Variants in FRYL observed in about 807,000 individuals in gnomAD.
FRYL encodes the protein protein furry homolog-like.
FRYL carries 150 observed loss-of-function variants against 351.2 expected under a neutral mutation model. The observed-to-expected ratio is 0.43, with a 90% CI of 0.37 to 0.49. The LOEUF is 0.49. Ranked by LOEUF, FRYL falls within the 20% of genes least tolerant of loss-of-function variation. The pLI is 0.00. For missense variants in FRYL, 3,036 were observed against 3,619.3 expected (o/e 0.84, Z 4.13); for synonymous variants, 1,153 against 1,257.1 (o/e 0.92, Z 1.75).
chr4:48,528,161 T>C lies in FRYL; in HGVS notation c.7065+14A>G, dbSNP rs1487896246. ...CTGTTCTATGAATGTTCCATTTTGATATTCTTTATGTACCTGTGATAACTG... is the reference window on the plus strand; with the variant it reads ...CTGTTCTATGAATGTTCCATTTTGACATTCTTTATGTACCTGTGATAACTG... On this transcript the variant is annotated intron_variant, in intron 51 of 63. Transcript: ENST00000358350. The C allele has an allele frequency of 1.2e-6, 2 of 1,608,216 alleles. No homozygotes were observed. Among genetic ancestry groups the C allele is most frequent in the Non-Finnish European group, 1.7e-6 (2 of 1,176,344 alleles).
intron 1 of FRYL, among the ~76,000 whole-genome samples, chr4:48,729,779 G>A (rs1398571313): frequency 2.6e-5 from 4 of 152,118 alleles, no homozygotes; most frequent in Non-Finnish European, 5.9e-5. Flanking sequence ...CCACAAAGAT[G>A]GAGAGAAGCC....
chr4:48,519,096 G>C (rs1161165531), intron 55 of FRYL, among the ~76,000 whole-genome samples: 2 of 152,180 alleles, frequency 1.3e-5, no homozygotes, highest in Non-Finnish European at 2.9e-5. Context: ...ATAAAAATTT[G>C]AATGTCTTTC....
chr4:48,581,742 G>A (rs1347467887), intron 20 of FRYL, 137 bp from the exon 21 acceptor site: 1 of 651,660 alleles, frequency 1.5e-6, no homozygotes, highest in Non-Finnish European at 2.6e-6. Flanking sequence ...TAAATCGCAT[G>A]TATTTTATAA....
At chr4:48,521,277 C>A in intron 54 of FRYL, 62 bp from the exon 55 acceptor site, 1 of 1,239,570 alleles carries the variant, frequency 8.1e-7, no homozygotes, top group South Asian at 1.5e-5. Flanking sequence ...AGGAAACATT[C>A]TCTATCATAA....
intron 1 of FRYL, among the ~76,000 whole-genome samples, chr4:48,715,408 A>G (rs1411080648): frequency 6.6e-6 from 1 of 152,210 alleles, no homozygotes; most frequent in African/African-American, 2.4e-5. Context: ...TCAAGGTGAC[A>G]AGCAAATTCA....
chr4:48,717,684 G>C (rs142876373), intron 1 of FRYL, among the ~76,000 whole-genome samples: 1 of 151,348 alleles, frequency 6.6e-6, no homozygotes, highest in Non-Finnish European at 1.5e-5. Context: ...AGAAGTGCAG[G>C]AGCATGCCAC....
chr4:48,587,031 T>G (rs1167800625), intron 18 of FRYL, among the ~76,000 whole-genome samples: 1 of 151,692 alleles, frequency 6.6e-6, no homozygotes, highest in East Asian at 1.9e-4. Flanking sequence ...TTATTAATAT[T>G]TAAGATTAAA....
intron 3 of FRYL, among the ~76,000 whole-genome samples, chr4:48,644,270 T>G (rs1242050073): frequency 6.6e-6 from 1 of 152,136 alleles, no homozygotes; most frequent in East Asian, 1.9e-4. Flanking sequence ...GACTGTTTTG[T>G]CTAGGTTTAT....
At chr4:48,587,593 G>C (rs1296170401) in intron 18 of FRYL, among the ~76,000 whole-genome samples, 1 of 151,820 alleles carries the variant, frequency 6.6e-6, no homozygotes, top group Admixed American at 6.6e-5. Flanking sequence ...GCCCAGACTG[G>C]AGTGCAATGG....
At chr4:48,547,036 A>G (rs1190773518) in intron 41 of FRYL, among the ~76,000 whole-genome samples, 1 of 152,146 alleles carries the variant, frequency 6.6e-6, no homozygotes, top group Non-Finnish European at 1.5e-5. Flanking sequence ...ATCACTTGTT[A>G]TTAGCCTGAT....
intron 7 of FRYL, among the ~76,000 whole-genome samples, chr4:48,615,251 C>T (rs1749185118): frequency 6.6e-6 from 1 of 152,194 alleles, no homozygotes; most frequent in Non-Finnish European, 1.5e-5. Context: ...GTAAACATCA[C>T]ACATTAGCAG....
chr4:48,633,407 T>A (rs74977668), intron 4 of FRYL, among the ~76,000 whole-genome samples: 177 of 152,296 alleles, frequency 1.2e-3, no homozygotes, highest in African/African-American at 4.2e-3. Context: ...ATATAGATGA[T>A]ACCAAAATCT....
At chr4:48,700,432 T>C (rs1344760830) in intron 2 of FRYL, among the ~76,000 whole-genome samples, 1 of 152,198 alleles carries the variant, frequency 6.6e-6, no homozygotes, top group Non-Finnish European at 1.5e-5. Context: ...CAATTTTACA[T>C]TTTAAGCCTT....
chr4:48,726,419 T>C (rs1770092550), intron 1 of FRYL, among the ~76,000 whole-genome samples: 1 of 152,162 alleles, frequency 6.6e-6, no homozygotes, highest in Non-Finnish European at 1.5e-5. Context: ...CAGTGGCTCA[T>C]GCCTGTAATC....
chr4:48,634,622 ATT>A, intron 3 of FRYL, 132 bp from the exon 4 acceptor site: 1 of 565,044 alleles, frequency 1.8e-6, no homozygotes, highest in Non-Finnish European at 3.1e-6. Context: ...ACCATAATCC[ATT>A]TTGTCTATTT....
At chr4:48,626,559 T>C (rs1360177419) in intron 4 of FRYL, among the ~76,000 whole-genome samples, 1 of 152,082 alleles carries the variant, frequency 6.6e-6, no homozygotes, top group Non-Finnish European at 1.5e-5. Context: ...CTTGCCTTGC[T>C]GGCTGCCCCT....
Position 48,498,216 on chromosome 4 carries a change from C to T in FRYL, c.*1206G>A, listed in dbSNP as rs1308097569. The T allele has an allele frequency of 2.0e-5, 3 of 152,018 alleles. No individual in the cohort carries two copies. The highest frequency in any genetic ancestry group is 4.8e-5 in the African/African-American group (2 of 41,420). The allele number at this position is 152,018 out of a possible 1,614,324, so 9.4% of individuals were successfully genotyped here. A position where few individuals can be genotyped will look rare whatever the true frequency, so the allele number is the denominator to read the frequency against. Reference sequence around the variant, plus strand: ...CAGTCTTCAGGCTTCCTTTCATTTCCCCTAGCCCCAGGTTTCTTTAGGGTA... The same window carrying T: ...CAGTCTTCAGGCTTCCTTTCATTTCTCCTAGCCCCAGGTTTCTTTAGGGTA... On this transcript the variant is annotated 3_prime_UTR_variant, in exon 64 of 64. Transcript: ENST00000358350.
intron 22 of FRYL, among the ~76,000 whole-genome samples, chr4:48,580,242 TA>T (rs1440517155): frequency 1.3e-5 from 2 of 152,162 alleles, no homozygotes; most frequent in Non-Finnish European, 2.9e-5. Context: ...TATTTTTAAA[TA>T]GTAAGGTTTT....
chr4:48,515,452 C>T (rs1303958577), intron 55 of FRYL, among the ~76,000 whole-genome samples, 177 bp from the exon 56 acceptor site: 1 of 152,194 alleles, frequency 6.6e-6, no homozygotes, highest in East Asian at 1.9e-4. Flanking sequence ...ACTGCAATCT[C>T]CGCCTCTCAG....
Sources: allele counts gnomAD v4.1 joint callset (sites outside exome capture counted in the v4.1 genomes callset), GRCh38; gene constraint gnomAD v4.1.1; transcripts MANE v1.5; gene names NCBI Gene and HGNC (gene_info 2026-07-23, HGNC 2026-07-21).